Variants in COL8A1 observed in about 807,000 individuals in gnomAD.
COL8A1 encodes the protein collagen type VIII alpha 1 chain, also known as collagen alpha-1(VIII) chain.
Under a neutral mutation model 42.7 loss-of-function variants are expected in COL8A1, and 21 were observed. The observed-to-expected ratio is 0.49, with a 90% CI of 0.35 to 0.71. COL8A1 has a LOEUF of 0.71. Among genes scored for constraint, COL8A1 ranks in the 30% least tolerant of loss-of-function variants. COL8A1 has a pLI of 0.01. For synonymous variants in COL8A1, 367 were observed against 369.1 expected (o/e 0.99, Z 0.06); for missense variants, 788 against 962.4 (o/e 0.82, Z 2.40).
chr3:99,737,233 T>C (rs1330516971), intron 1 of COL8A1, among the ~76,000 whole-genome samples: 2 of 152,186 alleles, frequency 1.3e-5, no homozygotes, highest in African/African-American at 4.8e-5. Flanking sequence ...TCCATTTACA[T>C]TTAAAGTTAA....
chr3:99,640,654 A>G (rs1937489843), intron 1 of COL8A1, among the ~76,000 whole-genome samples: 1 of 152,198 alleles, frequency 6.6e-6, no homozygotes, highest in Non-Finnish European at 1.5e-5. Flanking sequence ...TCAAGCCCCT[A>G]AATAACTGAG....
rs1048151664 is a variant in COL8A1, at chr3:99,794,202, C to T, written c.329-28C>T. ...ATCAATCTCTCTCTCTCCCCCCATA[C>T]CCCTTCTCTCTCTTCTCTTCCCAGT... On this transcript the variant is annotated intron_variant, in intron 3 of 3. Coordinates refer to ENST00000652472, the MANE Select transcript of COL8A1 (RefSeq NM_020351.4). This position sits in a 1 kb window ranked among gnomAD's most constrained non-coding sequence, Gnocchi z 4.3. 3 of 1,432,698 alleles carry T rather than the reference C, an allele frequency of 2.1e-6. No individual in the cohort carries two copies. Among genetic ancestry groups the T allele is most frequent in the Non-Finnish European group, 2.8e-6 (3 of 1,055,318 alleles). The allele number at this position is 1,432,698 out of a possible 1,614,324, so 88.7% of individuals were successfully genotyped here. A position where few individuals can be genotyped will look rare whatever the true frequency, so the allele number is the denominator to read the frequency against.
chr3:99,771,098 G>C (rs539394248), intron 2 of COL8A1, among the ~76,000 whole-genome samples: 51 of 152,298 alleles, frequency 3.3e-4, no homozygotes, highest in Middle Eastern at 6.8e-3. Flanking sequence ...CCAAAGAACA[G>C]AGAGAAGGTC....
intron 1 of COL8A1, among the ~76,000 whole-genome samples, chr3:99,728,411 G>C (rs35365968): frequency 6.6e-6 from 1 of 151,940 alleles, no homozygotes; most frequent in Admixed American, 6.6e-5. Context: ...CCATGGTCTA[G>C]ATTATGGTTG....
intron 1 of COL8A1, among the ~76,000 whole-genome samples, chr3:99,721,848 T>C (rs1940166080): frequency 6.6e-6 from 1 of 151,770 alleles, no homozygotes; most frequent in African/African-American, 2.4e-5. Flanking sequence ...CTATCTGCCT[T>C]TATTATAGAA....
At chr3:99,703,973 C>T (rs533379675) in intron 1 of COL8A1, among the ~76,000 whole-genome samples, 20 of 152,162 alleles carry the variant, frequency 1.3e-4, no homozygotes, top group African/African-American at 4.3e-4. Flanking sequence ...AGAAAGTTGT[C>T]ATTAAATGCT....
chr3:99,669,123 T>TTATATATATA (rs775831851), intron 1 of COL8A1, among the ~76,000 whole-genome samples: 10 of 96,594 alleles, frequency 1.0e-4, no homozygotes, highest in African/African-American at 3.7e-4. Flanking sequence ...CTTAAAAAAA[T>TTATATATATA]TATATATATA....
chr3:99,704,333 C>T (rs1373657387), intron 1 of COL8A1, among the ~76,000 whole-genome samples: 1 of 151,780 alleles, frequency 6.6e-6, no homozygotes, highest in Admixed American at 6.6e-5. Context: ...AAAGCAAAAG[C>T]GGTACTACAC....
At chr3:99,696,184 G>T (rs915970205) in intron 1 of COL8A1, among the ~76,000 whole-genome samples, 1 of 152,110 alleles carries the variant, frequency 6.6e-6, no homozygotes, top group Non-Finnish European at 1.5e-5. Flanking sequence ...TGAGTATAAA[G>T]GTAAATCGTT....
At chr3:99,683,463 T>C (rs751354319) in intron 1 of COL8A1, among the ~76,000 whole-genome samples, 17 of 152,366 alleles carry the variant, frequency 1.1e-4, no homozygotes, top group Non-Finnish European at 2.2e-4. Context: ...AGACTTTTCA[T>C]TGAAAATGGA....
chr3:99,773,837 A>ATATATTATATATATATATATATATTTT (rs1200212756), intron 2 of COL8A1, among the ~76,000 whole-genome samples: 1 of 45,396 alleles, frequency 2.2e-5, no homozygotes, highest in Non-Finnish European at 3.6e-5. Context: ...ATATATATAT[A>ATATATTATATATATATATATATATTTT]TTTTTTTTTT....
chr3:99,761,625 T>A (rs1407162593), intron 2 of COL8A1, among the ~76,000 whole-genome samples: 2 of 152,164 alleles, frequency 1.3e-5, no homozygotes, highest in African/African-American at 4.8e-5. Context: ...GAATGCTACC[T>A]CGCCAAGCAG....
At chr3:99,776,234 G>C (rs2107442986) in intron 2 of COL8A1, among the ~76,000 whole-genome samples, 1 of 152,288 alleles carries the variant, frequency 6.6e-6, no homozygotes, top group African/African-American at 2.4e-5. Flanking sequence ...AGAAACCTGG[G>C]AAAGGGCAAA....
intron 1 of COL8A1, among the ~76,000 whole-genome samples, chr3:99,738,860 G>A (rs1940813384): frequency 6.6e-6 from 1 of 152,154 alleles, no homozygotes; most frequent in African/African-American, 2.4e-5. Flanking sequence ...AGACTGCTGT[G>A]CTAGCAATCA....
At chr3:99,791,397 T>C (rs1941997486) in intron 3 of COL8A1, among the ~76,000 whole-genome samples, 1 of 152,228 alleles carries the variant, frequency 6.6e-6, no homozygotes, top group African/African-American at 2.4e-5. Flanking sequence ...GTCAGTCTTC[T>C]GAACTAAGAG....
At chr3:99,703,676 G>T (rs1372012958) in intron 1 of COL8A1, 1 of 152,084 alleles carries the variant, frequency 6.6e-6, no homozygotes, top group Non-Finnish European at 1.5e-5. Flanking sequence ...ACTTTGTTTC[G>T]GTTACCAGAA....
At chr3:99,736,678 T>A (rs1940728257) in intron 1 of COL8A1, among the ~76,000 whole-genome samples, 1 of 152,090 alleles carries the variant, frequency 6.6e-6, no homozygotes, top group Non-Finnish European at 1.5e-5. Context: ...GGAATAGGTG[T>A]GGTGTGGTGC....
At chr3:99,766,333 C>G (rs920045420) in intron 2 of COL8A1, among the ~76,000 whole-genome samples, 6 of 152,296 alleles carry the variant, frequency 3.9e-5, no homozygotes, top group Non-Finnish European at 8.8e-5. Context: ...TAGGCTCTTT[C>G]CACCTTGCAG....
chr3:99,670,416 G>GT (rs1425977041), intron 1 of COL8A1, among the ~76,000 whole-genome samples: 1 of 151,940 alleles, frequency 6.6e-6, no homozygotes, highest in Admixed American at 6.6e-5. Flanking sequence ...CTTGGAACCA[G>GT]TTTTTTGGAG....
Sources: gnomAD v4.1 joint callset for allele counts (sites outside exome capture counted in the v4.1 genomes callset) on GRCh38, gnomAD v4.1.1 for gene constraint, Gnocchi (gnomAD v3.1) non-coding constraint, MANE v1.5 for transcripts, NCBI Gene and HGNC (gene_info 2026-07-23, HGNC 2026-07-21) for gene names.